Variants in ATP8B4 observed in about 807,000 individuals in gnomAD.
ATP8B4 encodes probable phospholipid-transporting ATPase IM.
A neutral mutation model predicts 145.6 loss-of-function variants in ATP8B4; 133 were observed. That is an observed-to-expected ratio of 0.91 (90% CI 0.79 to 1.05). ATP8B4 has a LOEUF of 1.05. ATP8B4 is among the 50% of genes least tolerant of loss of function. The pLI is 0.00. For missense variants in ATP8B4, 1,458 were observed against 1,425.2 expected (o/e 1.02, Z -0.37); for synonymous variants, 507 against 492.9 (o/e 1.03, Z -0.38).
intron 14 of ATP8B4, among the ~76,000 whole-genome samples, chr15:49,959,395 T>G (rs1343078659): frequency 6.6e-6 from 1 of 152,002 alleles, no homozygotes; most frequent in African/African-American, 2.4e-5. Context: ...TAGAAGCATA[T>G]GCACTAATGT....
chr15:50,110,425 A>C (rs1299945571), intron 1 of ATP8B4, among the ~76,000 whole-genome samples: 1 of 152,202 alleles, frequency 6.6e-6, no homozygotes, highest in Non-Finnish European at 1.5e-5. Flanking sequence ...ACCACCACTG[A>C]CACTCGCTCC....
At chr15:50,087,021 A>G (rs1385214474) in intron 2 of ATP8B4, among the ~76,000 whole-genome samples, 2 of 116,914 alleles carry the variant, frequency 1.7e-5, no homozygotes, top group Non-Finnish European at 3.2e-5. Context: ...CTATATTATT[A>G]TATATAATAA....
intron 20 of ATP8B4, among the ~76,000 whole-genome samples, chr15:49,907,106 A>G (rs1021017090): frequency 2.6e-5 from 4 of 152,216 alleles, no homozygotes; most frequent in African/African-American, 9.6e-5. Context: ...AACAACCCTA[A>G]GAGAGCAGAG....
intron 13 of ATP8B4, among the ~76,000 whole-genome samples, chr15:49,967,613 A>G (rs1428547319): frequency 1.3e-5 from 2 of 152,218 alleles, no homozygotes; most frequent in East Asian, 3.8e-4. Flanking sequence ...TCCAAGAAAT[A>G]TGCGACTATG....
chr15:50,011,051 G>C (rs1488285881), intron 6 of ATP8B4, 134 bp from the exon 7 acceptor site: 2 of 562,794 alleles, frequency 3.6e-6, no homozygotes, highest in Admixed American at 7.7e-5. Flanking sequence ...ATTCAAAATG[G>C]TCTTACATTA....
In ATP8B4 at chr15:49,858,604, A is replaced by G. The variant is rs879530813; in HGVS notation, c.*1590T>C. On this transcript the variant is annotated 3_prime_UTR_variant, in exon 28 of 28. Transcript: ENST00000284509. ...AACTTTGTCTGACCAAGAATTTAAT[A>G]GGGACCAGATTAAGGACTCTGTAGA... 11 of 152,234 alleles carry G rather than the reference A, an allele frequency of 7.2e-5. No homozygotes were observed. The highest frequency in any genetic ancestry group is 1.2e-4 in the Non-Finnish European group (8 of 68,032). The allele number at this position is 152,234 out of a possible 1,614,324, so 9.4% of individuals were successfully genotyped here. A position where few individuals can be genotyped will look rare whatever the true frequency, so the allele number is the denominator to read the frequency against.
intron 10 of ATP8B4, among the ~76,000 whole-genome samples, chr15:49,986,234 C>A (rs2046586419): frequency 6.6e-6 from 1 of 152,178 alleles, no homozygotes; most frequent in Non-Finnish European, 1.5e-5. Flanking sequence ...GGGACTATAT[C>A]CCATCCATAG....
chr15:50,169,500 C>G (rs1359580685), intron 1 of ATP8B4, among the ~76,000 whole-genome samples: 1 of 152,304 alleles, frequency 6.6e-6, no homozygotes, highest in South Asian at 2.1e-4. Flanking sequence ...ATCAAGGGAA[C>G]ACCCTGTGGG....
chr15:49,973,295 A>C (rs1599543556), intron 12 of ATP8B4, among the ~76,000 whole-genome samples: 1 of 152,088 alleles, frequency 6.6e-6, no homozygotes, highest in South Asian at 2.1e-4. Context: ...TAGGGTTTGC[A>C]CTCCTTTGAG....
chr15:49,976,249 A>T (rs1467567800), intron 12 of ATP8B4, among the ~76,000 whole-genome samples: 1 of 141,876 alleles, frequency 7.0e-6, no homozygotes, highest in Non-Finnish European at 1.5e-5. Context: ...TCTGCATCCC[A>T]CCCCACCCCC....
At chr15:49,938,410 G>T (rs2041905150) in intron 14 of ATP8B4, among the ~76,000 whole-genome samples, 1 of 152,104 alleles carries the variant, frequency 6.6e-6, no homozygotes, top group Non-Finnish European at 1.5e-5. Context: ...AAAAGTTGGA[G>T]AAAGTTCTGT....
intron 1 of ATP8B4, among the ~76,000 whole-genome samples, chr15:50,110,301 A>G (rs2056876671): frequency 6.6e-6 from 1 of 152,224 alleles, no homozygotes; most frequent in Non-Finnish European, 1.5e-5. Flanking sequence ...TCTAGTAGCA[A>G]TGGCAATCAG....
intron 7 of ATP8B4, among the ~76,000 whole-genome samples, chr15:50,007,369 G>A (rs2048383631): frequency 6.6e-6 from 1 of 152,176 alleles, no homozygotes; most frequent in Non-Finnish European, 1.5e-5. Context: ...TTCCAATGGA[G>A]TAAGGAACAG....
chr15:50,008,923 T>C (rs1206260504), intron 7 of ATP8B4, among the ~76,000 whole-genome samples: 1 of 152,204 alleles, frequency 6.6e-6, no homozygotes, highest in Non-Finnish European at 1.5e-5. Context: ...TGAAATATTC[T>C]ATTCCAAATA....
chr15:49,996,587 A>C (rs1050305365), intron 9 of ATP8B4, 90 bp downstream of exon 9: 19 of 1,081,834 alleles, frequency 1.8e-5, no homozygotes, highest in Non-Finnish European at 2.5e-5. Flanking sequence ...CCACCAAATA[A>C]AAAGAAACAT....
chr15:50,142,301 C>A (rs1485425642), intron 1 of ATP8B4, among the ~76,000 whole-genome samples: 1 of 152,028 alleles, frequency 6.6e-6, no homozygotes, highest in Non-Finnish European at 1.5e-5. Flanking sequence ...CTTTTTATTG[C>A]AATATAATAT....
chr15:50,032,930 T>C (rs2050560806), intron 6 of ATP8B4, among the ~76,000 whole-genome samples: 1 of 152,174 alleles, frequency 6.6e-6, no homozygotes. Flanking sequence ...AATGAATATA[T>C]GCTGCTTTTA....
At chr15:50,001,290 G>A (rs1352175086) in intron 8 of ATP8B4, among the ~76,000 whole-genome samples, 1 of 152,006 alleles carries the variant, frequency 6.6e-6, no homozygotes, top group East Asian at 1.9e-4. Context: ...CTTTTCAAAT[G>A]TATGCCATAA....
chr15:49,934,274 G>T, intron 14 of ATP8B4, 92 bp from the exon 15 acceptor site: 1 of 1,404,712 alleles, frequency 7.1e-7, no homozygotes, highest in Non-Finnish European at 9.5e-7. Flanking sequence ...AGTATTTTTA[G>T]TGTATTATTT....
Sources: allele counts gnomAD v4.1 joint callset (sites outside exome capture counted in the v4.1 genomes callset), GRCh38; gene constraint gnomAD v4.1.1; transcripts MANE v1.5; gene names NCBI Gene and HGNC (gene_info 2026-07-23, HGNC 2026-07-21).